The following AOPEP variants were observed in gnomAD, a reference collection of about 807,000 sequenced individuals.
The protein encoded by AOPEP is aminopeptidase O.
AOPEP carries 77 observed loss-of-function variants against 98.1 expected under a neutral mutation model. That is an observed-to-expected ratio of 0.78 (90% CI 0.65 to 0.95). AOPEP has a LOEUF of 0.95. Among genes scored for constraint, AOPEP ranks in the 40% least tolerant of loss-of-function variants. The pLI is 0.00. For synonymous variants in AOPEP, 346 were observed against 365.3 expected (o/e 0.95, Z 0.60); for missense variants, 1,024 against 1,024.7 (o/e 1.00, Z 0.01).
At chr9:95,131,122 C>T in the AOPEP span, among the ~76,000 whole-genome samples, 6 of 152,174 alleles carry the variant, frequency 3.9e-5, no homozygotes, top group Non-Finnish European at 7.4e-5. Flanking sequence ...CTCCATAATG[C>T]AATTATTGTT....
intron 11 of AOPEP, among the ~76,000 whole-genome samples, chr9:94,986,225 C>T (rs910999868): frequency 6.6e-6 from 1 of 152,134 alleles, no homozygotes; most frequent in Non-Finnish European, 1.5e-5. Context: ...GCTCTGTATG[C>T]GTGCACATGT....
intron 5 of AOPEP, among the ~76,000 whole-genome samples, chr9:94,893,292 G>A (rs929398931): frequency 1.3e-5 from 2 of 152,058 alleles, no homozygotes; most frequent in African/African-American, 2.4e-5. Flanking sequence ...TAGTTTTACC[G>A]GGAAGATAAA....
At chr9:94,787,559 C>T (rs1485869606) in intron 3 of AOPEP, among the ~76,000 whole-genome samples, 1 of 152,154 alleles carries the variant, frequency 6.6e-6, no homozygotes, top group Non-Finnish European at 1.5e-5. Context: ...GCCTGTTGTG[C>T]GTAGTGCTTC....
rs142650407 is a variant in AOPEP at position 94,910,679 on chromosome 9, T to C, written c.1365-13307T>C. 2.0e-3 allele frequency among the ~76,000 whole-genome samples: 303 copies of C among 152,334 alleles called. 1 individual carries two copies. Among genetic ancestry groups the C allele is most frequent in the Admixed American group, 2.9e-3 (45 of 15,310 alleles). On this transcript the variant is annotated intron_variant, in intron 5 of 16. Transcript: ENST00000375315. ...GCCCCAGGGCCATCCTCTGCACTTT[T>C]ATATGATGAGGTGCAGCAGTGTTTC...
intron 1 of AOPEP, among the ~76,000 whole-genome samples, chr9:94,744,031 A>G (rs903449081): frequency 6.6e-6 from 1 of 152,050 alleles, no homozygotes; most frequent in African/African-American, 2.4e-5. Context: ...AATGAAGGTT[A>G]CTGAATAACA....
intron 13 of AOPEP, among the ~76,000 whole-genome samples, chr9:95,057,131 C>G (rs2066893587): frequency 6.6e-6 from 1 of 152,188 alleles, no homozygotes; most frequent in Non-Finnish European, 1.5e-5. Flanking sequence ...TTTATACTGT[C>G]TGAAGGAGCT....
At chr9:94,785,394 G>C (rs896783042) in intron 3 of AOPEP, among the ~76,000 whole-genome samples, 1 of 152,152 alleles carries the variant, frequency 6.6e-6, no homozygotes, top group Non-Finnish European at 1.5e-5. Context: ...TTGTCAATAC[G>C]TCATACGATA....
intron 13 of AOPEP, among the ~76,000 whole-genome samples, chr9:95,050,474 TC>T (rs1202213764): frequency 3.9e-5 from 6 of 152,226 alleles, no homozygotes; most frequent in Admixed American, 1.3e-4. Context: ...GAAATGTGAC[TC>T]CTATGCCTTG....
At chr9:94,976,263 A>T (rs1168058060) in intron 10 of AOPEP, among the ~76,000 whole-genome samples, 1 of 152,072 alleles carries the variant, frequency 6.6e-6, no homozygotes, top group East Asian at 1.9e-4. Flanking sequence ...CCTGTTTTTC[A>T]GTCTTCTCTG....
In AOPEP at chr9:94,959,156, C is replaced by T. The variant is rs570169261; in HGVS notation, c.1872+3141C>T. 3.7e-4 allele frequency among the ~76,000 whole-genome samples: 56 copies of T among 152,088 alleles called. No individual in the cohort carries two copies. In the South Asian group the frequency reaches 8.1e-3, roughly 22 times the overall value. On this transcript the variant is annotated intron_variant, in intron 9 of 16. Transcript: ENST00000375315. ...CCTCCTGGGTTCACACCATTCTCCT[C>T]CCTCAGCCTCCCGAGTAGCTGGGAC...
intron 16 of AOPEP, chr9:95,086,381 T>C: frequency 1.0e-6 from 1 of 985,304 alleles, no homozygotes; most frequent in Non-Finnish European, 1.2e-6. Context: ...CACGGCGAGG[T>C]GAGCTGAGAC....
chr9:95,143,773 G>A, the AOPEP span, among the ~76,000 whole-genome samples: 4 of 152,190 alleles, frequency 2.6e-5, no homozygotes, highest in East Asian at 7.7e-4. Flanking sequence ...ACTTACAAAA[G>A]GACCTCAGCA....
intron 14 of AOPEP, among the ~76,000 whole-genome samples, chr9:95,077,225 C>G (rs1316364495): frequency 1.3e-5 from 2 of 152,218 alleles, no homozygotes; most frequent in African/African-American, 2.4e-5. Context: ...CACGGGACAG[C>G]ACAGTGCTGT....
At chr9:94,808,825 C>T (rs921324062) in intron 5 of AOPEP, among the ~76,000 whole-genome samples, 2 of 152,248 alleles carry the variant, frequency 1.3e-5, no homozygotes. Flanking sequence ...GCCTGTGCTC[C>T]TTGGAGCCCA....
chr9:95,055,494 C>T (rs1193948629), intron 13 of AOPEP, among the ~76,000 whole-genome samples: 3 of 152,234 alleles, frequency 2.0e-5, no homozygotes. Flanking sequence ...GGTTCAGAGC[C>T]GAGTCTGGAA....
intron 10 of AOPEP, among the ~76,000 whole-genome samples, chr9:94,977,912 G>A (rs1016276025): frequency 7.2e-5 from 11 of 152,156 alleles, no homozygotes; most frequent in Admixed American, 7.2e-4. Context: ...TTCCCTCCAT[G>A]AACTTTTTCT....
At chr9:94,947,367 C>T (rs2057753099) in intron 7 of AOPEP, among the ~76,000 whole-genome samples, 1 of 151,900 alleles carries the variant, frequency 6.6e-6, no homozygotes, top group African/African-American at 2.4e-5. Context: ...CAGCCTTGAA[C>T]TCCTGGGCTC....
the AOPEP span, among the ~76,000 whole-genome samples, chr9:95,109,120 C>CGCCT: frequency 6.6e-6 from 1 of 152,094 alleles, no homozygotes; most frequent in Non-Finnish European, 1.5e-5. Flanking sequence ...CTATGTTGCC[C>CGCCT]AGGCTGGTCT....
intron 5 of AOPEP, among the ~76,000 whole-genome samples, chr9:94,915,211 G>A (rs1395369741): frequency 6.6e-6 from 1 of 152,188 alleles, no homozygotes; most frequent in East Asian, 1.9e-4. Context: ...AATTGAATGA[G>A]TTAACGAACA....
Sources: allele counts gnomAD v4.1 joint callset (sites outside exome capture counted in the v4.1 genomes callset), GRCh38; gene constraint gnomAD v4.1.1; transcripts MANE v1.5; gene names NCBI Gene and HGNC (gene_info 2026-07-23, HGNC 2026-07-21).